HHIPL1: variants seen among roughly 807,000 people sequenced by gnomAD.
HHIPL1 encodes the protein HHIP-like protein 1.
HHIPL1 carries 43 observed loss-of-function variants against 61.8 expected under a neutral mutation model. The observed-to-expected ratio is 0.70, with a 90% CI of 0.55 to 0.90. The LOEUF (loss-of-function observed/expected upper bound fraction) is 0.90, where lower values mean the gene tolerates loss of function less well. HHIPL1 is among the 40% of genes least tolerant of loss of function. The pLI, the probability that HHIPL1 is intolerant of heterozygous loss-of-function variation, is 0.00. For synonymous variants in HHIPL1, 482 were observed against 515.8 expected, an observed-to-expected ratio of 0.93 and a Z score of 0.89; for missense variants, 1,056 against 1,157.7, an observed-to-expected ratio of 0.91 and a Z score of 1.28.
Position 99,668,976 on chromosome 14 carries a change from G to T in HHIPL1, c.1730+673G>T, listed in dbSNP as rs769949496. The T allele has an allele frequency of 1.3e-6, 2 of 1,574,020 alleles. No individual in the cohort carries two copies. Among genetic ancestry groups the T allele is most frequent in the South Asian group, 1.1e-5 (1 of 88,418 alleles). ...GCCTGGGGCCCAGGGCCAGGGTGGG[G>T]CCCAGGCCACTGGCTCCAGAGCCCT... On this transcript the variant is annotated intron_variant, in intron 7 of 8. Coordinates refer to ENST00000330710, the MANE Select transcript of HHIPL1 (RefSeq NM_001127258.3). This position sits in a 1 kb window ranked among gnomAD's most constrained non-coding sequence, Gnocchi z 4.7.
chr14:99,637,248 G>GAA, the HHIPL1 span, among the ~76,000 whole-genome samples: 1 of 146,644 alleles, frequency 6.8e-6, no homozygotes, highest in Non-Finnish European at 1.5e-5. Flanking sequence ...AAGAAAGAAA[G>GAA]AAAGAAAGAA....
chr14:99,658,100 A>T (rs1295636550), intron 3 of HHIPL1, among the ~76,000 whole-genome samples: 2 of 152,192 alleles, frequency 1.3e-5, no homozygotes, highest in Non-Finnish European at 2.9e-5. Flanking sequence ...TATGATGTTG[A>T]TTACAGTAAT....
intron 1 of HHIPL1, 72 bp from the exon 2 acceptor site, chr14:99,652,152 G>C: frequency 7.0e-7 from 1 of 1,422,476 alleles, no homozygotes; most frequent in East Asian, 2.3e-5. Flanking sequence ...AGAGATGGGG[G>C]ACCCGCCCAA....
the HHIPL1 span, among the ~76,000 whole-genome samples, chr14:99,632,862 T>C: frequency 6.6e-6 from 1 of 150,578 alleles, no homozygotes; most frequent in Non-Finnish European, 1.5e-5. Flanking sequence ...ACCCACATTA[T>C]GGATAAATTG....
chr14:99,621,877 G>A, the HHIPL1 span, among the ~76,000 whole-genome samples: 8 of 151,616 alleles, frequency 5.3e-5, no homozygotes, highest in South Asian at 2.1e-4. Flanking sequence ...CACCATGCCC[G>A]GCTAATTTTT....
Position 99,676,353 on chromosome 14 carries a change from TG to T in HHIPL1, c.*730del, listed in dbSNP as rs1359741986. 1.3e-5 allele frequency: 2 copies of T among 152,334 alleles called. No homozygotes were observed. Among genetic ancestry groups the T allele is most frequent in the East Asian group, 1.9e-4 (1 of 5,184 alleles). 9.4% of individuals were successfully genotyped at this position (152,334 alleles called of 1,614,324 possible). ...CACTCAGCAGCATACTCAGTCCTTG[TG>T]GGTGCTCCTGGGATGGGACCAGCCT... is the stretch of plus-strand genomic sequence containing the variant. On this transcript the variant is annotated 3_prime_UTR_variant, in exon 9 of 9. Coordinates refer to ENST00000330710, the MANE Select transcript of HHIPL1 (RefSeq NM_001127258.3).
the HHIPL1 span, among the ~76,000 whole-genome samples, chr14:99,620,178 T>C: frequency 6.6e-6 from 1 of 152,200 alleles, no homozygotes; most frequent in African/African-American, 2.4e-5. Context: ...CGGTGATGGA[T>C]TTTTCTCTGT....
In HHIPL1 at chr14:99,668,520, G is replaced by T. The variant is rs1368619933; in HGVS notation, c.1730+217G>T. On this transcript the variant is annotated intron_variant, in intron 7 of 8. Transcript: ENST00000330710. This position sits in a 1 kb window ranked among gnomAD's most constrained non-coding sequence, Gnocchi z 4.7. Reference sequence around the variant, plus strand: ...CGGGTCTGCACGCCTCAAAGCACAGGTCTATTAGGATAGGAGGGAGCTGGA... The same window carrying T: ...CGGGTCTGCACGCCTCAAAGCACAGTTCTATTAGGATAGGAGGGAGCTGGA... Among the ~76,000 whole-genome samples the T allele has an allele frequency of 2.0e-5, 3 of 152,154 alleles. No individual in the cohort carries two copies. The highest frequency in any genetic ancestry group is 4.4e-5 in the Non-Finnish European group (3 of 68,012).
the HHIPL1 span, among the ~76,000 whole-genome samples, chr14:99,605,379 GGGCGGGGC>G: frequency 2.7e-5 from 4 of 145,568 alleles, no homozygotes; most frequent in South Asian, 4.7e-4. Context: ...AGGCGGGGCG[GGGCGGGGC>G]GGGGGGGGGT....
At position 99,668,142 on chromosome 14, in the gene HHIPL1, G is replaced by T; in HGVS notation, c.1649-80G>T. 1.2e-6 allele frequency: 1 copy of T among 854,204 alleles called. No homozygotes were observed. The allele number at this position is 854,204 out of a possible 1,614,324, so 52.9% of individuals were successfully genotyped here. A position where few individuals can be genotyped will look rare whatever the true frequency, so the allele number is the denominator to read the frequency against. ...GTTGGGGTCTATTTCCAAGCCTGCA[G>T]GGAGCCGGGTGGTGAGGCGGGGCTG... is the stretch of plus-strand genomic sequence containing the variant. On this transcript the variant is annotated intron_variant, in intron 6 of 8. Transcript: ENST00000330710. The surrounding 1 kb of genome is among the most constrained non-coding windows in gnomAD (Gnocchi z 4.7).
chr14:99,633,843 T>C, the HHIPL1 span, among the ~76,000 whole-genome samples: 1 of 152,184 alleles, frequency 6.6e-6, no homozygotes, highest in African/African-American at 2.4e-5. Context: ...AATTTGGGGT[T>C]TAAAACAGGC....
In HHIPL1 at chr14:99,660,133, GCC is replaced by G; in HGVS notation, c.1376-145_1376-144del. 3.0e-6 allele frequency: 2 copies of G among 656,154 alleles called. No homozygotes were observed. Among genetic ancestry groups the G allele is most frequent in the South Asian group, 2.6e-5 (1 of 38,296 alleles). 40.6% of individuals were successfully genotyped at this position (656,154 alleles called of 1,614,324 possible). On this transcript the variant is annotated intron_variant, in intron 4 of 8. Transcript: ENST00000330710. The surrounding 1 kb of genome is among the most constrained non-coding windows in gnomAD (Gnocchi z 4.9). The stretch of plus-strand genomic sequence containing the variant: ...TGCAGACACGCTTTCCACCACGCCA[GCC>G]CTGCTGTGGGCACGCCAGCCCTGCT...
Position 99,657,133 on chromosome 14 carries a change from G to A in HHIPL1, c.1036G>A (p.Ala346Thr). ...AGDPFGTFGNAQNKSALLGKV... is the reference protein window; with the variant it reads ...AGDPFGTFGNTQNKSALLGKV... ...AGACCCCTTTGGGACATTTGGAAAT[G>A]CCCAAAACAAGTATGTTCAGCTTTT... is the stretch of plus-strand genomic sequence containing the variant. The change falls in exon 3 of 9, where the codon GCC becomes ACC. Residue 346 changes from alanine (A) to threonine (T), a missense_variant. Physicochemically the swap from Ala to Thr is moderately conservative, Grantham distance 58 (BLOSUM62 0). Coordinates refer to ENST00000330710, the MANE Select transcript of HHIPL1 (RefSeq NM_001127258.3). The A allele has an allele frequency of 6.2e-7, 1 of 1,612,998 alleles. No individual in the cohort carries two copies. Among genetic ancestry groups the A allele is most frequent in the Non-Finnish European group, 8.5e-7 (1 of 1,179,642 alleles).
Position 99,659,753 on chromosome 14 carries a change from C to T in HHIPL1, c.1372C>T (p.Leu458Phe), listed in dbSNP as rs758904138. 1 of 1,421,270 alleles carries T rather than the reference C, an allele frequency of 7.0e-7. No individual in the cohort carries two copies. The highest frequency in any genetic ancestry group is 2.8e-5 in the East Asian group (1 of 36,230). 88.0% of individuals were successfully genotyped at this position (1,421,270 alleles called of 1,614,324 possible). Reference sequence around the variant, plus strand: ...CCGCAGCCTGTGCGCCAACACCTCTCTCAGTGAGTGCCCGCGCCCCGGGGA... The same window carrying T: ...CCGCAGCCTGTGCGCCAACACCTCTTTCAGTGAGTGCCCGCGCCCCGGGGA... The part of the protein sequence containing the change: ...YDRSLCANTS[L>F]NDLLPIFAYP... Residue 458 changes from leucine to phenylalanine, a missense_variant, in exon 4 of 9, where the codon CTC becomes TTC. Leu to Phe is a conservative substitution (Grantham distance 22, BLOSUM62 0). Coordinates refer to ENST00000330710, the MANE Select transcript of HHIPL1 (RefSeq NM_001127258.3).
rs1187608491 is a variant in HHIPL1, at chr14:99,679,114, A to C, written c.*3488A>C. On this transcript the variant is annotated 3_prime_UTR_variant, in exon 9 of 9. Coordinates refer to ENST00000330710, the MANE Select transcript of HHIPL1 (RefSeq NM_001127258.3). ...ATAGCCAAAATTTGAATTTGAGCCC[A>C]GGTAGTCCAGCTCTGGGACCCTGCT... The C allele has an allele frequency of 6.6e-6, 1 of 152,236 alleles. No individual in the cohort carries two copies. The highest frequency in any genetic ancestry group is 6.5e-5 in the Admixed American group (1 of 15,282). 9.4% of individuals were successfully genotyped at this position (152,236 alleles called of 1,614,324 possible). A position where few individuals can be genotyped will look rare whatever the true frequency, so the allele number is the denominator to read the frequency against.
At chr14:99,626,947 T>A in the HHIPL1 span, among the ~76,000 whole-genome samples, 1 of 152,212 alleles carries the variant, frequency 6.6e-6, no homozygotes, top group African/African-American at 2.4e-5. Context: ...GAGAGTAATA[T>A]GTCACTGAAT....
chr14:99,613,688 C>A, the HHIPL1 span, among the ~76,000 whole-genome samples: 1 of 151,964 alleles, frequency 6.6e-6, no homozygotes, highest in Non-Finnish European at 1.5e-5. Context: ...GTGGGCAGAT[C>A]ACTTGAGGTG....
rs1186635871 is a variant in HHIPL1 at position 99,675,418 on chromosome 14, G to A, written c.2141G>A (p.Arg714His). 1.7e-5 allele frequency: 26 copies of A among 1,531,104 alleles called. No individual in the cohort carries two copies. The highest frequency in any genetic ancestry group is 2.1e-5 in the Non-Finnish European group (24 of 1,142,428). 94.8% of individuals were successfully genotyped at this position (1,531,104 alleles called of 1,614,324 possible). A position where few individuals can be genotyped will look rare whatever the true frequency, so the allele number is the denominator to read the frequency against. The change falls in exon 9 of 9, where the codon CGC (arginine) becomes CAC (histidine). Residue 714 changes from arginine to histidine, a missense_variant. Coordinates refer to ENST00000330710, the MANE Select transcript of HHIPL1 (RefSeq NM_001127258.3). The surrounding 1 kb of genome is among the most constrained non-coding windows in gnomAD (Gnocchi z 5.4). ...WNISGAAVVCRQLGFAYAVRA... is the reference protein window; with the variant it reads ...WNISGAAVVCHQLGFAYAVRA... ...ATCAGCGGCGCCGCCGTCGTGTGTC[G>A]CCAGCTGGGGTTTGCCTACGCCGTG...
chr14:99,652,379 G>T lies in HHIPL1; in HGVS notation c.411G>T (p.Ala137=), dbSNP rs377247789. The T allele has an allele frequency of 1.2e-6, 2 of 1,614,194 alleles. No individual in the cohort carries two copies. Among genetic ancestry groups the T allele is most frequent in the Non-Finnish European group, 8.5e-7 (1 of 1,180,040 alleles). ...RHLSTDQELW[A]LEGNLARFCR... is the part of the protein sequence containing the mutation. Reference sequence around the variant, plus strand: ...TGTCAACTGACCAGGAGCTCTGGGCGCTGGAGGGCAACCTTGCCAGGTTCT... The same window carrying T: ...TGTCAACTGACCAGGAGCTCTGGGCTCTGGAGGGCAACCTTGCCAGGTTCT... The change falls in exon 2 of 9, where the codon GCG becomes GCT. Residue 137 remains alanine, a synonymous_variant. Transcript: ENST00000330710.
Sources: allele counts gnomAD v4.1 joint callset (sites outside exome capture counted in the v4.1 genomes callset), GRCh38; gene constraint gnomAD v4.1.1; non-coding constraint Gnocchi (gnomAD v3.1); transcripts MANE v1.5; gene names NCBI Gene and HGNC (gene_info 2026-07-23, HGNC 2026-07-21).